Variants in ZSWIM6 observed in about 807,000 individuals in gnomAD.
The protein encoded by ZSWIM6 is zinc finger SWIM-type containing 6, also known as zinc finger SWIM domain-containing protein 6.
A neutral mutation model predicts 113.2 loss-of-function variants in ZSWIM6; 9 were observed. The ratio of observed to expected loss-of-function variants is 0.08; its 90% confidence interval spans 0.05 to 0.14. The LOEUF (loss-of-function observed/expected upper bound fraction) is 0.14, where lower values mean the gene tolerates loss of function less well. Among genes scored for constraint, ZSWIM6 ranks in the 10% least tolerant of loss-of-function variants. The pLI is 1.00. For synonymous variants in ZSWIM6, 611 were observed against 606.5 expected, an observed-to-expected ratio of 1.01 and a Z score of -0.11; for missense variants, 1,162 against 1,552.2, an observed-to-expected ratio of 0.75 and a Z score of 4.22.
chr5:61,534,790 T>C (rs1280028392), intron 9 of ZSWIM6, among the ~76,000 whole-genome samples: 2 of 152,182 alleles, frequency 1.3e-5, no homozygotes, highest in East Asian at 3.8e-4. Flanking sequence ...TTTGACAGCT[T>C]AAGTGTAATT....
At chr5:61,505,098 A>G (rs1748566476) in intron 4 of ZSWIM6, among the ~76,000 whole-genome samples, 1 of 152,212 alleles carries the variant, frequency 6.6e-6, no homozygotes, top group South Asian at 2.1e-4. Flanking sequence ...AAATAGAGTT[A>G]TATAGACTTT....
chr5:61,539,871 G>A lies in ZSWIM6; in HGVS notation c.2703+112G>A, dbSNP rs1749683961. On this transcript the variant is annotated intron_variant, in intron 12 of 13. Coordinates refer to ENST00000252744, the MANE Select transcript of ZSWIM6 (RefSeq NM_020928.2). ...GAGTGCAGGTAAATGACTCTTTGGAGTACAAATCTGTTAGACTTCAGGAGA... is the reference window on the plus strand; with the variant it reads ...GAGTGCAGGTAAATGACTCTTTGGAATACAAATCTGTTAGACTTCAGGAGA... The A allele has an allele frequency of 4.7e-6, 5 of 1,055,612 alleles. No individual in the cohort carries two copies. The Admixed American group carries it at 8.5e-5, about 18-fold the overall frequency. The allele number at this position is 1,055,612 out of a possible 1,614,324, so 65.4% of individuals were successfully genotyped here. A position where few individuals can be genotyped will look rare whatever the true frequency, so the allele number is the denominator to read the frequency against.
intron 7 of ZSWIM6, among the ~76,000 whole-genome samples, chr5:61,527,884 T>C (rs368546158): frequency 3.2e-4 from 49 of 152,354 alleles, no homozygotes; most frequent in African/African-American, 1.2e-3. Context: ...GTTTCCTAAC[T>C]AACTAATGTT....
At chr5:61,415,045 A>AGCCAGCAAAT (rs1746218849) in intron 1 of ZSWIM6, among the ~76,000 whole-genome samples, 1 of 152,188 alleles carries the variant, frequency 6.6e-6, no homozygotes, top group South Asian at 2.1e-4. Context: ...GAGGATACAC[A>AGCCAGCAAAT]GCCAGCAAAT....
chr5:61,349,548 T>C (rs1241053295), intron 1 of ZSWIM6, among the ~76,000 whole-genome samples: 1 of 152,232 alleles, frequency 6.6e-6, no homozygotes, highest in East Asian at 1.9e-4. Flanking sequence ...TGGTTTTCAG[T>C]ACTGGGTTTG....
At position 61,541,956 on chromosome 5, in the gene ZSWIM6, A is replaced by G; in HGVS notation, c.2776A>G (p.Thr926Ala). 6.4e-7 allele frequency: 1 copy of G among 1,550,448 alleles called. No individual in the cohort carries two copies. Residue 926 changes from threonine (T) to alanine (A), a missense_variant, in exon 13 of 14, where the codon ACT becomes GCT. Transcript: ENST00000252744. ...GGTGAGGTGGCTGGTAACGTGTGCT[A>G]CTGAAGTCGGTAGGTAAACTCTGGA... ...EMVRWLVTCA[T>A]EVGVYALDSI...
chr5:61,341,738 A>G (rs75809097), intron 1 of ZSWIM6, among the ~76,000 whole-genome samples: 2,172 of 152,198 alleles, frequency 0.014, 30 homozygotes, highest in Non-Finnish European at 0.024. Context: ...AATATAATTT[A>G]TTGTTTTTGT....
chr5:61,520,226 T>C (rs889195890), intron 4 of ZSWIM6, among the ~76,000 whole-genome samples: 1 of 152,212 alleles, frequency 6.6e-6, no homozygotes, highest in Non-Finnish European at 1.5e-5. Context: ...ATTATGCATT[T>C]AACAAATGAT....
chr5:61,391,571 T>C, intron 1 of ZSWIM6: 4 of 927,280 alleles, frequency 4.3e-6, no homozygotes, highest in Non-Finnish European at 7.2e-6. Flanking sequence ...GTATTGAAGG[T>C]CTGGAGGCCT....
Position 61,332,373 on chromosome 5 carries a change from CG to C in ZSWIM6, c.104del (p.Gly35ValfsTer75). 1 of 901,604 alleles carries C rather than the reference CG, an allele frequency of 1.1e-6. No individual in the cohort carries two copies. The highest frequency in any genetic ancestry group is 1.3e-6 in the Non-Finnish European group (1 of 752,442). The allele number at this position is 901,604 out of a possible 1,614,324, so 55.9% of individuals were successfully genotyped here. ...GGCAGCAGCGGCGGCGGCGGCGGCG[CG>C]GGTGGCGGCTACAGCTCTGCCTGTC... ...GGGSSGGGGG[A>X]GGGYSSACRP... is the part of the protein sequence containing the mutation. On this transcript the variant is annotated frameshift_variant, in exon 1 of 14. Coordinates refer to ENST00000252744, the MANE Select transcript of ZSWIM6 (RefSeq NM_020928.2). LOFTEE classifies it high-confidence loss of function.
intron 1 of ZSWIM6, among the ~76,000 whole-genome samples, chr5:61,384,991 C>T (rs1301419764): frequency 3.3e-5 from 5 of 152,034 alleles, no homozygotes; most frequent in African/African-American, 9.7e-5. Context: ...ACCCGGGAGG[C>T]GGAGGTTGCA....
intron 3 of ZSWIM6, among the ~76,000 whole-genome samples, chr5:61,492,363 T>TG (rs762781845): frequency 1.3e-5 from 2 of 152,120 alleles, no homozygotes; most frequent in South Asian, 4.1e-4. Flanking sequence ...ATATACACAT[T>TG]ATGTATGCCA....
intron 1 of ZSWIM6, among the ~76,000 whole-genome samples, chr5:61,471,472 T>C (rs1747569826): frequency 6.6e-6 from 1 of 152,162 alleles, no homozygotes; most frequent in Non-Finnish European, 1.5e-5. Context: ...TTGCAGTTGA[T>C]AGTAAGCTGT....
At chr5:61,537,265 T>C (rs1319883732) in intron 10 of ZSWIM6, among the ~76,000 whole-genome samples, 1 of 152,252 alleles carries the variant, frequency 6.6e-6, no homozygotes, top group African/African-American at 2.4e-5. Flanking sequence ...TGGGGAATAC[T>C]AGCAGGGTAC....
chr5:61,473,923 T>C (rs1747643437), intron 2 of ZSWIM6, among the ~76,000 whole-genome samples: 1 of 152,186 alleles, frequency 6.6e-6, no homozygotes, highest in African/African-American at 2.4e-5. Flanking sequence ...AATAAAAATG[T>C]TTTCAGAAAA....
chr5:61,513,925 G>C (rs1394211808), intron 4 of ZSWIM6, among the ~76,000 whole-genome samples: 1 of 151,950 alleles, frequency 6.6e-6, no homozygotes, highest in African/African-American at 2.4e-5. Flanking sequence ...TTTAAAAATT[G>C]TTTTGGCTAT....
At chr5:61,344,778 A>C (rs1027105792) in intron 1 of ZSWIM6, among the ~76,000 whole-genome samples, 1 of 152,238 alleles carries the variant, frequency 6.6e-6, no homozygotes, top group Non-Finnish European at 1.5e-5. Flanking sequence ...CCACGACGGC[A>C]CAGGGTCAGC....
chr5:61,473,242 A>C (rs553386938), intron 2 of ZSWIM6, among the ~76,000 whole-genome samples: 2 of 152,324 alleles, frequency 1.3e-5, no homozygotes, highest in East Asian at 3.9e-4. Flanking sequence ...GTGCTCAGAA[A>C]AATCATACAT....
chr5:61,342,852 AAAT>A (rs1243639183), intron 1 of ZSWIM6, among the ~76,000 whole-genome samples: 4 of 152,130 alleles, frequency 2.6e-5, no homozygotes, highest in South Asian at 2.1e-4. Context: ...ATTGTTACGC[AAAT>A]AATCTCCAGA....
Sources: allele counts gnomAD v4.1 joint callset (sites outside exome capture counted in the v4.1 genomes callset), GRCh38; gene constraint gnomAD v4.1.1; transcripts MANE v1.5; gene names NCBI Gene and HGNC (gene_info 2026-07-23, HGNC 2026-07-21).